MAP3K7CL: variants seen among roughly 807,000 people sequenced by gnomAD.
The protein encoded by MAP3K7CL is MAP3K7 C-terminal-like protein.
In MAP3K7CL, 16 loss-of-function variants were observed where a neutral mutation model predicts 18.6. That is an observed-to-expected ratio of 0.86 (90% CI 0.58 to 1.31). MAP3K7CL has a LOEUF of 1.31. MAP3K7CL is among the 50% of genes most tolerant of loss of function. The probability of loss-of-function intolerance (pLI) is 0.00; values close to 1 mark genes in which losing one functional copy is unlikely to be tolerated. For missense variants in MAP3K7CL, 163 were observed against 174.4 expected (o/e 0.93, Z 0.37); for synonymous variants, 65 against 66.8 (o/e 0.97, Z 0.13).
intron 4 of MAP3K7CL, among the ~76,000 whole-genome samples, chr21:29,165,568 AATTTT>A (rs2087665500): frequency 6.6e-6 from 1 of 152,060 alleles, no homozygotes; most frequent in Non-Finnish European, 1.5e-5. Flanking sequence ...TTTTATAAAC[AATTTT>A]ATTTTATTTT....
chr21:29,138,576 T>G (rs891682898), intron 2 of MAP3K7CL, among the ~76,000 whole-genome samples: 27 of 152,244 alleles, frequency 1.8e-4, no homozygotes, highest in African/African-American at 5.8e-4. Context: ...GACCTTGGCT[T>G]TGGAATTCTT....
chr21:29,142,935 T>C (rs2087040691), intron 2 of MAP3K7CL, among the ~76,000 whole-genome samples: 1 of 152,184 alleles, frequency 6.6e-6, no homozygotes, highest in Admixed American at 6.5e-5. Context: ...CCCGCTGTGT[T>C]CTTAGTGGTT....
chr21:29,131,024 C>G (rs751742845), intron 1 of MAP3K7CL, 101 bp downstream of exon 1: 12 of 738,728 alleles, frequency 1.6e-5, no homozygotes, highest in Non-Finnish European at 1.5e-5. Flanking sequence ...ACCTGTGGTT[C>G]GTTTCCCCAG....
chr21:29,104,173 G>A (rs2086280262), intron 4 of MAP3K7CL, among the ~76,000 whole-genome samples: 1 of 152,002 alleles, frequency 6.6e-6, no homozygotes, highest in Non-Finnish European at 1.5e-5. Context: ...TGTCCCATGA[G>A]GCTCTGCTGC....
intron 4 of MAP3K7CL, among the ~76,000 whole-genome samples, chr21:29,100,085 A>ATTT (rs2086199268): frequency 8.6e-6 from 1 of 115,750 alleles, no homozygotes; most frequent in African/African-American, 2.7e-5. Context: ...TCCGTCTTTA[A>ATTT]AAAAAAAAAA....
At chr21:29,117,388 T>C (rs1431520766) in intron 4 of MAP3K7CL, among the ~76,000 whole-genome samples, 1 of 152,254 alleles carries the variant, frequency 6.6e-6, no homozygotes, top group Non-Finnish European at 1.5e-5. Context: ...ATACTGTAAT[T>C]CTTAAAATGT....
At chr21:29,103,521 A>T (rs1001613253) in intron 4 of MAP3K7CL, among the ~76,000 whole-genome samples, 20 of 152,324 alleles carry the variant, frequency 1.3e-4, no homozygotes, top group Admixed American at 1.2e-3. Flanking sequence ...ACTTGAGGTC[A>T]GGAGTTCGAG....
intron 4 of MAP3K7CL, among the ~76,000 whole-genome samples, chr21:29,115,064 G>A (rs193163653): frequency 4.1e-4 from 63 of 152,226 alleles, no homozygotes; most frequent in African/African-American, 1.4e-3. Flanking sequence ...AGGGGGTTTG[G>A]GCTGTTTTCA....
At chr21:29,139,621 G>C (rs1272098844) in intron 2 of MAP3K7CL, among the ~76,000 whole-genome samples, 1 of 151,664 alleles carries the variant, frequency 6.6e-6, no homozygotes, top group Admixed American at 6.6e-5. Flanking sequence ...GTCTCACTCT[G>C]TCACCCAGGC....
At chr21:29,121,531 T>C (rs930800677) in intron 4 of MAP3K7CL, among the ~76,000 whole-genome samples, 1 of 152,130 alleles carries the variant, frequency 6.6e-6, no homozygotes, top group African/African-American at 2.4e-5. Flanking sequence ...AAACTTCTTT[T>C]TTCTTTTTTC....
chr21:29,159,436 C>T (rs2087487194), intron 3 of MAP3K7CL, among the ~76,000 whole-genome samples: 1 of 152,120 alleles, frequency 6.6e-6, no homozygotes, highest in African/African-American at 2.4e-5. Flanking sequence ...ATTTCTGGCT[C>T]AGCATCTTTC....
rs144701633 is a variant in MAP3K7CL at position 29,108,236 on chromosome 21, A to C, written c.370+15655A>C. Among the ~76,000 whole-genome samples the C allele has an allele frequency of 5.2e-3, 793 of 152,292 alleles. 7 individuals carry two copies. The highest frequency in any genetic ancestry group is 0.018 in the African/African-American group (757 of 41,572). On this transcript the variant is annotated intron_variant, in intron 4 of 6. Transcript: ENST00000286791. ...AGATAGGCTTAGTGTCCTTATAAGA[A>C]GAGATACCAGATAGCCCCCTCTCTC...
At chr21:29,091,385 C>G (rs1231754761) in intron 1 of MAP3K7CL, 3 of 523,152 alleles carry the variant, frequency 5.7e-6, no homozygotes, top group Non-Finnish European at 1.0e-5. Flanking sequence ...ATTTTTAAGT[C>G]ACTCTAGTTC....
chr21:29,103,103 A>G (rs2086261217), intron 4 of MAP3K7CL, among the ~76,000 whole-genome samples: 1 of 152,246 alleles, frequency 6.6e-6, no homozygotes. Context: ...GGGTTGGCAA[A>G]GTACTGCTCC....
chr21:29,110,519 C>T (rs1025846546), intron 4 of MAP3K7CL, among the ~76,000 whole-genome samples: 1 of 152,144 alleles, frequency 6.6e-6, no homozygotes, highest in Non-Finnish European at 1.5e-5. Flanking sequence ...GCCTCAGTCT[C>T]CCAAGTAGCT....
intron 2 of MAP3K7CL, among the ~76,000 whole-genome samples, chr21:29,134,559 C>T (rs910724302): frequency 1.1e-4 from 17 of 152,214 alleles, no homozygotes; most frequent in Non-Finnish European, 2.4e-4. Flanking sequence ...CTTGACTCTT[C>T]ATAATCAGTT....
chr21:29,095,089 G>A (rs1399098717), intron 4 of MAP3K7CL, among the ~76,000 whole-genome samples: 2 of 148,470 alleles, frequency 1.3e-5, no homozygotes, highest in African/African-American at 2.5e-5. Flanking sequence ...GGGAGGGGAA[G>A]GGAGCAGAGG....
intron 4 of MAP3K7CL, chr21:29,122,296 G>A (rs1165023234): frequency 1.3e-5 from 2 of 152,188 alleles, no homozygotes. Flanking sequence ...CAGCATCTGG[G>A]GGGGTACCCG....
In MAP3K7CL at chr21:29,092,311, C is replaced by T. The variant is rs1016284561; in HGVS notation, c.228-128C>T. 3.6e-6 allele frequency: 3 copies of T among 832,750 alleles called. No individual in the cohort carries two copies. In the East Asian group the frequency reaches 9.3e-5, roughly 26 times the overall value. 51.6% of individuals were successfully genotyped at this position (832,750 alleles called of 1,614,324 possible). A position where few individuals can be genotyped will look rare whatever the true frequency, so the allele number is the denominator to read the frequency against. ...AACCTTTCCAGATTTAAACCATTAA[C>T]AACCCTCTCTAAAGAGGAGGCAAGA... On this transcript the variant is annotated intron_variant, in intron 3 of 6. Coordinates refer to the MAP3K7CL transcript ENST00000286791.
Sources: gnomAD v4.1 joint callset for allele counts (sites outside exome capture counted in the v4.1 genomes callset) on GRCh38, gnomAD v4.1.1 for gene constraint, MANE v1.5 for transcripts, NCBI Gene and HGNC (gene_info 2026-07-23, HGNC 2026-07-21) for gene names.